PLXNA4: variants seen among roughly 807,000 people sequenced by gnomAD.
The protein encoded by PLXNA4 is plexin-A4.
A neutral mutation model predicts 191.8 loss-of-function variants in PLXNA4; 44 were observed. The observed-to-expected ratio is 0.23, with a 90% CI of 0.18 to 0.29. PLXNA4 has a LOEUF of 0.29. Ranked by LOEUF, PLXNA4 falls within the 10% of genes least tolerant of loss-of-function variation. PLXNA4 has a pLI of 1.00. For missense variants in PLXNA4, 1,800 were observed against 2,488.8 expected (o/e 0.72, Z 5.89); for synonymous variants, 1,082 against 1,009.5 (o/e 1.07, Z -1.36).
chr7:132,140,578 G>C (rs371576028), intron 30 of PLXNA4, 21 bp downstream of exon 30: 1 of 1,610,528 alleles, frequency 6.2e-7, no homozygotes, highest in African/African-American at 1.3e-5. Flanking sequence ...CCCTGACTTG[G>C]CTCCGTGGCC....
chr7:132,188,243 C>A (rs1326272532), intron 14 of PLXNA4, among the ~76,000 whole-genome samples: 1 of 152,160 alleles, frequency 6.6e-6, no homozygotes, highest in Non-Finnish European at 1.5e-5. Flanking sequence ...CAGCCCTCTG[C>A]CAGAATGGGA....
intron 1 of PLXNA4, among the ~76,000 whole-genome samples, chr7:132,541,513 A>C (rs1156796240): frequency 6.6e-6 from 1 of 152,222 alleles, no homozygotes; most frequent in African/African-American, 2.4e-5. Context: ...ATAACCAGGG[A>C]GATTATGTCT....
intron 2 of PLXNA4, among the ~76,000 whole-genome samples, chr7:132,491,964 C>G (rs1490384937): frequency 6.6e-6 from 1 of 152,162 alleles, no homozygotes; most frequent in East Asian, 1.9e-4. Flanking sequence ...GCCAGGCCTT[C>G]CAAGGGCAGC....
intron 20 of PLXNA4, among the ~76,000 whole-genome samples, chr7:132,176,787 C>T (rs959057910): frequency 1.7e-4 from 25 of 150,634 alleles, no homozygotes; most frequent in Non-Finnish European, 1.2e-4. Flanking sequence ...TGTGTGTATG[C>T]TTGTCAGTGT....
chr7:132,612,719 A>C (rs1803076507), intron 2 of PLXNA4, among the ~76,000 whole-genome samples: 1 of 150,936 alleles, frequency 6.6e-6, no homozygotes, highest in Admixed American at 6.6e-5. Context: ...TCTCAGCACT[A>C]CTGACATTTT....
At chr7:132,403,821 G>T (rs927637684) in intron 3 of PLXNA4, among the ~76,000 whole-genome samples, 2 of 152,176 alleles carry the variant, frequency 1.3e-5, no homozygotes, top group African/African-American at 4.8e-5. Context: ...GATCAGGAGG[G>T]AGAAAGTGGC....
chr7:132,179,768 G>A lies in PLXNA4; in HGVS notation c.3793C>T (p.Arg1265Cys), dbSNP rs1796643218. 6.2e-7 allele frequency: 1 copy of A among 1,614,092 alleles called. No homozygotes were observed. The highest frequency in any genetic ancestry group is 8.5e-7 in the Non-Finnish European group (1 of 1,180,038). The change falls in exon 20 of 32, where the codon CGC (arginine) becomes TGC (cysteine). Residue 1265 changes from arginine (R) to cysteine (C), a missense_variant. This residue lies in a region of PLXNA4 where 1,397 missense variants were observed against 1,880.4 expected (regional missense o/e 0.74). Transcript: ENST00000321063. ...AVLIAYKRKS[R>C]ESDLTLKRLQ... ...CGCTTCAGCGTGAGGTCACTTTCGC[G>A]GGACTTGCGTTTATAGGCAATGAGC...
chr7:132,434,604 C>T (rs931278949), intron 3 of PLXNA4, among the ~76,000 whole-genome samples: 1 of 152,228 alleles, frequency 6.6e-6, no homozygotes, highest in Admixed American at 6.5e-5. Flanking sequence ...TTCCAAGGAG[C>T]TTGCCATCTG....
intron 3 of PLXNA4, among the ~76,000 whole-genome samples, chr7:132,337,361 C>G (rs774945779): frequency 6.6e-6 from 1 of 152,258 alleles, no homozygotes; most frequent in Non-Finnish European, 1.5e-5. Flanking sequence ...GGAAGCACAT[C>G]AAATTGTGCA....
At chr7:132,591,925 C>T (rs1032790018) in intron 2 of PLXNA4, among the ~76,000 whole-genome samples, 2 of 152,160 alleles carry the variant, frequency 1.3e-5, no homozygotes, top group Non-Finnish European at 2.9e-5. Flanking sequence ...ATTATCACAT[C>T]GCTACCACAA....
chr7:132,179,625 CATGCACACACAT>C (rs1227296906), intron 20 of PLXNA4, 50 bp downstream of exon 20: 87 of 1,571,684 alleles, frequency 5.5e-5, no homozygotes, highest in Non-Finnish European at 7.1e-5. Flanking sequence ...CACAGATGTG[CATGCACACACAT>C]ATGCACACAC....
chr7:132,408,983 A>C (rs1794340569), intron 3 of PLXNA4, among the ~76,000 whole-genome samples: 1 of 151,766 alleles, frequency 6.6e-6, no homozygotes, highest in African/African-American at 2.4e-5. Context: ...GAGACTGAGA[A>C]TGGGATCTCA....
chr7:132,534,408 G>T (rs761188057), intron 1 of PLXNA4, among the ~76,000 whole-genome samples: 6 of 152,164 alleles, frequency 3.9e-5, no homozygotes, highest in Non-Finnish European at 5.9e-5. Context: ...GGAGCCAAGT[G>T]AGAGACCTGA....
intron 20 of PLXNA4, among the ~76,000 whole-genome samples, chr7:132,179,239 C>T (rs543995447): frequency 4.7e-5 from 7 of 147,690 alleles, no homozygotes; most frequent in East Asian, 4.0e-4. Flanking sequence ...CACACACACG[C>T]GCACACAGCC....
chr7:132,205,976 T>C lies in PLXNA4; in HGVS notation c.2299-2557A>G, dbSNP rs558030440. 3.9e-5 allele frequency among the ~76,000 whole-genome samples: 6 copies of C among 152,334 alleles called. No individual in the cohort carries two copies. In the East Asian group the frequency reaches 7.7e-4, roughly 20 times the overall value. The stretch of plus-strand genomic sequence containing the variant: ...GTGAGCATCTGTGTACTCAAACGTG[T>C]TTATGTGCATGCTGACTTGAGGAGA... On this transcript the variant is annotated intron_variant, in intron 10 of 31. Coordinates refer to ENST00000321063, the MANE Select transcript of PLXNA4 (RefSeq NM_020911.2).
intron 3 of PLXNA4, among the ~76,000 whole-genome samples, chr7:132,362,180 T>C (rs1563057251): frequency 2.0e-5 from 3 of 152,328 alleles, no homozygotes; most frequent in Admixed American, 2.0e-4. Context: ...AAGGCCAAGA[T>C]GGGAAGAGCA....
At chr7:132,204,041 G>A (rs911190793) in intron 10 of PLXNA4, among the ~76,000 whole-genome samples, 1 of 152,118 alleles carries the variant, frequency 6.6e-6, no homozygotes, top group African/African-American at 2.4e-5. Flanking sequence ...TGTTGGTGAC[G>A]GGGGAAATCC....
chr7:132,247,300 A>C (rs1367382275), intron 4 of PLXNA4, among the ~76,000 whole-genome samples: 3 of 152,142 alleles, frequency 2.0e-5, no homozygotes, highest in Non-Finnish European at 4.4e-5. Flanking sequence ...TACTCTTATA[A>C]TTGGATGCTA....
In PLXNA4 at chr7:132,289,276, A is replaced by C. The variant is rs533746288; in HGVS notation, c.1503+8815T>G. Among the ~76,000 whole-genome samples the C allele has an allele frequency of 3.3e-5, 5 of 152,312 alleles. No individual in the cohort carries two copies. The East Asian group carries it at 5.8e-4, about 18-fold the overall frequency. On this transcript the variant is annotated intron_variant, in intron 4 of 31. Transcript: ENST00000321063. Reference sequence around the variant, plus strand: ...TATGCCCATCTGACCACTCTCTTTTAAAATGCAACCCTTTCACCCTCACAA... The same window carrying C: ...TATGCCCATCTGACCACTCTCTTTTCAAATGCAACCCTTTCACCCTCACAA...
Sources: gnomAD v4.1 joint callset for allele counts (sites outside exome capture counted in the v4.1 genomes callset) on GRCh38, gnomAD v4.1.1 for gene constraint, gnomAD v4.1.1 regional missense constraint, MANE v1.5 for transcripts, NCBI Gene and HGNC (gene_info 2026-07-23, HGNC 2026-07-21) for gene names.